Variants in ADCY2 observed in about 807,000 individuals in gnomAD.
ADCY2 encodes adenylate cyclase type 2.
ADCY2 carries 31 observed loss-of-function variants against 125.2 expected under a neutral mutation model. That is an observed-to-expected ratio of 0.25 (90% confidence interval 0.19 to 0.33). The LOEUF (loss-of-function observed/expected upper bound fraction) is 0.33, where lower values mean the gene tolerates loss of function less well. Ranked by LOEUF, ADCY2 falls within the 10% of genes least tolerant of loss-of-function variation. The pLI, the probability that ADCY2 is intolerant of heterozygous loss-of-function variation, is 1.00. For missense variants in ADCY2, 904 were observed against 1,418.2 expected (o/e 0.64, Z 5.82); for synonymous variants, 512 against 548.4 (o/e 0.93, Z 0.93).
At chr5:7,475,365 G>A (rs952491835) in intron 2 of ADCY2, among the ~76,000 whole-genome samples, 2 of 152,026 alleles carry the variant, frequency 1.3e-5, no homozygotes, top group Non-Finnish European at 2.9e-5. Flanking sequence ...CTGTGCTGGA[G>A]GACAGGGAGA....
At chr5:7,646,735 A>G (rs967633516) in intron 4 of ADCY2, among the ~76,000 whole-genome samples, 1 of 152,234 alleles carries the variant, frequency 6.6e-6, no homozygotes, top group South Asian at 2.1e-4. Flanking sequence ...TTGTGTTTTC[A>G]TAGCATGTTT....
intron 4 of ADCY2, among the ~76,000 whole-genome samples, chr5:7,681,324 G>A (rs1740328003): frequency 6.6e-6 from 1 of 152,200 alleles, no homozygotes; most frequent in African/African-American, 2.4e-5. Flanking sequence ...GACAATTAGT[G>A]TTTGAAGACA....
At chr5:7,399,178 C>T (rs572470365) in intron 1 of ADCY2, among the ~76,000 whole-genome samples, 2 of 152,240 alleles carry the variant, frequency 1.3e-5, no homozygotes, top group African/African-American at 4.8e-5. Flanking sequence ...GGACAGATTC[C>T]TTTTTTTCCC....
rs10063758 is a variant in ADCY2, at chr5:7,678,110, G to A, written c.721-12581G>A. ...AATAAATATTTTTTAATGTAATATA[G>A]CATTTTCTCATTAGCCATGACTTCC... is the stretch of plus-strand genomic sequence containing the variant. On this transcript the variant is annotated intron_variant, in intron 4 of 24. Transcript: ENST00000338316. Among the ~76,000 whole-genome samples, 1,068 of 152,240 alleles carry A rather than the reference G, an allele frequency of 7.0e-3. 18 individuals are homozygous for A. Among genetic ancestry groups the A allele is most frequent in the African/African-American group, 0.024 (1,011 of 41,532 alleles).
chr5:7,533,254 A>G (rs1316694472), intron 3 of ADCY2, among the ~76,000 whole-genome samples: 2 of 151,726 alleles, frequency 1.3e-5, no homozygotes, highest in Non-Finnish European at 2.9e-5. Flanking sequence ...TCTTTCATTC[A>G]AGGTTTAAAT....
chr5:7,511,393 G>A (rs965795385), intron 2 of ADCY2, among the ~76,000 whole-genome samples: 4 of 152,052 alleles, frequency 2.6e-5, no homozygotes, highest in Non-Finnish European at 5.9e-5. Flanking sequence ...GGCCAACATG[G>A]TGAAACCCCG....
intron 2 of ADCY2, among the ~76,000 whole-genome samples, chr5:7,451,239 A>G (rs1175372214): frequency 1.3e-5 from 2 of 152,236 alleles, no homozygotes; most frequent in Non-Finnish European, 2.9e-5. Context: ...GAAACAAGTC[A>G]CCATTCCAGA....
Position 7,802,114 on chromosome 5 carries a change from C to T in ADCY2, c.2629-104C>T, listed in dbSNP as rs896629861. On this transcript the variant is annotated intron_variant, in intron 20 of 24. Transcript: ENST00000338316. This position sits in a 1 kb window ranked among gnomAD's most constrained non-coding sequence, Gnocchi z 4.6. ...GGGGCAAGTGGAGTAGGCATTTGGGCGATGTCTGTGTGAATCCTGGCATAA... is the reference window on the plus strand; with the variant it reads ...GGGGCAAGTGGAGTAGGCATTTGGGTGATGTCTGTGTGAATCCTGGCATAA... The T allele has an allele frequency of 4.4e-6, 6 of 1,351,316 alleles. No homozygotes were observed. In the African/African-American group the frequency reaches 5.8e-5, roughly 13 times the overall value. The allele number at this position is 1,351,316 out of a possible 1,614,324, so 83.7% of individuals were successfully genotyped here.
intron 4 of ADCY2, among the ~76,000 whole-genome samples, chr5:7,666,903 G>C (rs1435726453): frequency 6.6e-6 from 1 of 152,160 alleles, no homozygotes; most frequent in African/African-American, 2.4e-5. Flanking sequence ...CAGCTACCAA[G>C]GTAGCTGGTT....
At chr5:7,480,703 A>G (rs745315472) in intron 2 of ADCY2, among the ~76,000 whole-genome samples, 4 of 151,990 alleles carry the variant, frequency 2.6e-5, no homozygotes, top group African/African-American at 7.3e-5. Context: ...AACCCCCATG[A>G]CACAAGTTTA....
intron 15 of ADCY2, among the ~76,000 whole-genome samples, chr5:7,747,840 C>G (rs1476545008): frequency 6.6e-6 from 1 of 152,200 alleles, no homozygotes; most frequent in African/African-American, 2.4e-5. Flanking sequence ...ACTTCAGGCA[C>G]TTGAAAAACA....
chr5:7,416,474 C>T (rs936455492), intron 2 of ADCY2, among the ~76,000 whole-genome samples: 2 of 152,168 alleles, frequency 1.3e-5, no homozygotes, highest in Non-Finnish European at 2.9e-5. Context: ...TGTCCTTCCC[C>T]ACTCAATTAG....
At chr5:7,698,740 GT>G (rs1397674579) in intron 7 of ADCY2, among the ~76,000 whole-genome samples, 4 of 152,192 alleles carry the variant, frequency 2.6e-5, no homozygotes, top group Non-Finnish European at 4.4e-5. Flanking sequence ...TGGCTGCATA[GT>G]ATTCCATGGT....
chr5:7,575,341 C>T (rs186323446), intron 3 of ADCY2, among the ~76,000 whole-genome samples: 57 of 151,792 alleles, frequency 3.8e-4, no homozygotes, highest in African/African-American at 1.4e-3. Flanking sequence ...GAAAAAAACA[C>T]AAAACTGTTT....
rs1192924669 is a variant in ADCY2 at position 7,709,522 on chromosome 5, G to A, written c.1578+135G>A. On this transcript the variant is annotated intron_variant, in intron 10 of 24. Transcript: ENST00000338316. The surrounding 1 kb of genome is among the most constrained non-coding windows in gnomAD (Gnocchi z 4.4). The stretch of plus-strand genomic sequence containing the variant: ...TTATCACCTTCTTCTTCTCAGAGAG[G>A]CCCTTATGAACAACCATCAGGGTAT... 3 of 1,087,792 alleles carry A rather than the reference G, an allele frequency of 2.8e-6. 1 individual carries two copies. The highest frequency in any genetic ancestry group is 3.5e-5 in the South Asian group (2 of 57,554). The allele number at this position is 1,087,792 out of a possible 1,614,324, so 67.4% of individuals were successfully genotyped here. A position where few individuals can be genotyped will look rare whatever the true frequency, so the allele number is the denominator to read the frequency against.
At chr5:7,749,374 A>T (rs543343852) in intron 15 of ADCY2, among the ~76,000 whole-genome samples, 1 of 152,240 alleles carries the variant, frequency 6.6e-6, no homozygotes, top group Non-Finnish European at 1.5e-5. Context: ...TTATACATAT[A>T]ATAGTCCTTC....
chr5:7,522,395 C>G (rs1744476151), intron 3 of ADCY2: 1 of 152,124 alleles, frequency 6.6e-6, no homozygotes. Flanking sequence ...AACAATCTAG[C>G]CTTGCCTGGG....
At chr5:7,726,444 C>T (rs971581753) in intron 13 of ADCY2, among the ~76,000 whole-genome samples, 4 of 152,106 alleles carry the variant, frequency 2.6e-5, no homozygotes, top group Non-Finnish European at 5.9e-5. Context: ...TGGCAGGGGT[C>T]ATCATCAGCA....
intron 16 of ADCY2, among the ~76,000 whole-genome samples, chr5:7,759,882 C>T (rs895728928): frequency 6.9e-6 from 1 of 144,922 alleles, no homozygotes. Context: ...GACTGGCCAG[C>T]CAGGGTATTC....
Sources: gnomAD v4.1 joint callset for allele counts (sites outside exome capture counted in the v4.1 genomes callset) on GRCh38, gnomAD v4.1.1 for gene constraint, Gnocchi (gnomAD v3.1) non-coding constraint, MANE v1.5 for transcripts, NCBI Gene and HGNC (gene_info 2026-07-23, HGNC 2026-07-21) for gene names.